The following ACVR1 variants were observed in gnomAD, a reference collection of about 807,000 sequenced individuals.
ACVR1 encodes the protein activin receptor type-1.
A neutral mutation model predicts 57.1 loss-of-function variants in ACVR1; 38 were observed. The ratio of observed to expected loss-of-function variants is 0.67; its 90% CI spans 0.51 to 0.87. ACVR1 has a LOEUF of 0.87. Ranked by LOEUF, ACVR1 falls within the 40% of genes least tolerant of loss-of-function variation. The pLI is 0.00. For synonymous variants in ACVR1, 212 were observed against 228.1 expected, an observed-to-expected ratio of 0.93 and a Z score of 0.63; for missense variants, 463 against 638.2, an observed-to-expected ratio of 0.73 and a Z score of 2.96.
chr2:157,814,553 A>C (rs1687864725), intron 2 of ACVR1, among the ~76,000 whole-genome samples: 1 of 152,238 alleles, frequency 6.6e-6, no homozygotes, highest in Non-Finnish European at 1.5e-5. Context: ...CAAGGTCTAT[A>C]AACAGAGCAA....
intron 1 of ACVR1, among the ~76,000 whole-genome samples, chr2:157,871,401 T>C (rs552370658): frequency 3.3e-5 from 5 of 152,328 alleles, no homozygotes; most frequent in South Asian, 2.1e-4. Context: ...TCAAGATGAA[T>C]GAGAACTGAC....
intron 9 of ACVR1, among the ~76,000 whole-genome samples, chr2:157,748,567 A>G (rs1685059566): frequency 6.6e-6 from 1 of 152,134 alleles, no homozygotes; most frequent in Non-Finnish European, 1.5e-5. Flanking sequence ...CAAGGGCAGA[A>G]ACTGCAAGGC....
intron 1 of ACVR1, among the ~76,000 whole-genome samples, chr2:157,836,867 T>C (rs924072983): frequency 6.6e-6 from 1 of 152,182 alleles, no homozygotes; most frequent in Non-Finnish European, 1.5e-5. Context: ...CTGAAGGGCC[T>C]AGATAAAGAA....
At chr2:157,749,726 C>T (rs532620352) in intron 9 of ACVR1, among the ~76,000 whole-genome samples, 5 of 152,354 alleles carry the variant, frequency 3.3e-5, no homozygotes, top group Admixed American at 2.6e-4. Flanking sequence ...GAAAACAGGC[C>T]TGCCCCACTC....
intron 1 of ACVR1, among the ~76,000 whole-genome samples, chr2:157,872,833 C>T (rs1176541590): frequency 1.3e-5 from 2 of 152,102 alleles, no homozygotes; most frequent in African/African-American, 2.4e-5. Context: ...AAAATCAGCA[C>T]CTATGAACCC....
intron 1 of ACVR1, among the ~76,000 whole-genome samples, chr2:157,863,336 C>CTCTTT (rs1689795689): frequency 1.4e-4 from 5 of 35,674 alleles, no homozygotes; most frequent in East Asian, 1.3e-3. Context: ...AATTGTTTCT[C>CTCTTT]TTTTTTTTTT....
intron 1 of ACVR1, among the ~76,000 whole-genome samples, chr2:157,846,035 A>C (rs1689117880): frequency 6.6e-6 from 1 of 152,268 alleles, no homozygotes; most frequent in African/African-American, 2.4e-5. Context: ...TGTGAATGTT[A>C]TCTTATGTGA....
intron 9 of ACVR1, among the ~76,000 whole-genome samples, chr2:157,757,006 G>GATATATATATATTTGATATATATATAT: frequency 7.7e-6 from 1 of 129,584 alleles, no homozygotes; most frequent in Non-Finnish European, 1.6e-5. Flanking sequence ...ATATATTTGA[G>GATATATATATATTTGATATATATATAT]ATATATATAT....
Position 157,780,485 on chromosome 2 carries a change from A to G in ACVR1, c.183T>C (p.Asp61=), listed in dbSNP as rs1468323848. 2 of 1,614,160 alleles carry G rather than the reference A, an allele frequency of 1.2e-6. No individual in the cohort carries two copies. The highest frequency in any genetic ancestry group is 3.3e-5 in the Admixed American group (2 of 60,028). The part of the protein sequence containing the change: ...QQCFSSLSIN[D]GFHVYQKGCF... ...AGCCTTTCTGGTAGACGTGGAAGCC[A>G]TCGTTGATGCTCAGTGAGGAAAAGC... Residue 61 remains aspartate, a synonymous_variant, in exon 4 of 11, where the codon GAT becomes GAC. Transcript: ENST00000434821.
At chr2:157,803,801 G>C (rs1278711167) in intron 2 of ACVR1, among the ~76,000 whole-genome samples, 1 of 152,034 alleles carries the variant, frequency 6.6e-6, no homozygotes, top group African/African-American at 2.4e-5. Context: ...AAATTACTGA[G>C]AAGCGTGTGT....
intron 3 of ACVR1, among the ~76,000 whole-genome samples, chr2:157,787,690 T>C (rs1019888295): frequency 3.3e-5 from 5 of 152,146 alleles, no homozygotes; most frequent in Non-Finnish European, 5.9e-5. Context: ...GAATCACTTT[T>C]CGTTGTTTCC....
At chr2:157,760,248 T>C (rs1335003677) in intron 9 of ACVR1, among the ~76,000 whole-genome samples, 1 of 152,138 alleles carries the variant, frequency 6.6e-6, no homozygotes, top group Non-Finnish European at 1.5e-5. Context: ...GTTGATCTCA[T>C]GGTGGTAGAG....
At chr2:157,753,384 T>C (rs113015660) in intron 9 of ACVR1, among the ~76,000 whole-genome samples, 2,617 of 152,004 alleles carry the variant, frequency 0.017, 70 homozygotes, top group African/African-American at 0.056. Flanking sequence ...AAAAATTAGC[T>C]GGGTGTGGTG....
intron 7 of ACVR1, 51 bp from the exon 8 acceptor site, chr2:157,766,247 C>T: frequency 6.3e-7 from 1 of 1,584,340 alleles, no homozygotes; most frequent in South Asian, 1.1e-5. Context: ...CACATTATAA[C>T]TTAAAGTATT....
At chr2:157,834,931 T>G (rs2105348552) in intron 1 of ACVR1, among the ~76,000 whole-genome samples, 1 of 152,272 alleles carries the variant, frequency 6.6e-6, no homozygotes, top group East Asian at 1.9e-4. Flanking sequence ...ATGCCAACTA[T>G]GACCTAAGAA....
At chr2:157,760,770 G>A (rs1040924309) in intron 9 of ACVR1, 110 bp downstream of exon 9, 38 of 1,104,182 alleles carry the variant, frequency 3.4e-5, no homozygotes, top group Middle Eastern at 2.2e-4. Context: ...AACTCGACAC[G>A]TACGATTCAA....
intron 8 of ACVR1, among the ~76,000 whole-genome samples, chr2:157,765,181 C>A (rs548536423): frequency 6.6e-6 from 1 of 152,220 alleles, no homozygotes; most frequent in South Asian, 2.1e-4. Flanking sequence ...ATTTATAATG[C>A]AACTAAAGCT....
At chr2:157,844,514 T>C (rs938945387) in intron 1 of ACVR1, among the ~76,000 whole-genome samples, 2 of 152,024 alleles carry the variant, frequency 1.3e-5, no homozygotes, top group South Asian at 2.1e-4. Context: ...CAAAAAAAAC[T>C]TGGGATGAGA....
Position 157,761,020 on chromosome 2 carries a change from C to T in ACVR1, c.1124G>A (p.Arg375His). 10 of 1,614,136 alleles carry T rather than the reference C, an allele frequency of 6.2e-6. No homozygotes were observed. The highest frequency in any genetic ancestry group is 8.5e-6 in the Non-Finnish European group (10 of 1,180,004). The part of the protein sequence containing the change: ...TNQLDVGNNP[R>H]VGTKRYMAPE... ...GGCCATGTAGCGCTTGGTGCCCACACGGGGATTGTTCCCCACATCAAGCTG... is the reference window on the plus strand; with the variant it reads ...GGCCATGTAGCGCTTGGTGCCCACATGGGGATTGTTCCCCACATCAAGCTG... The change falls in exon 9 of 11, where the codon CGT (arginine) becomes CAT (histidine). Residue 375 changes from arginine to histidine, a missense_variant. Physicochemically the swap from Arg to His is conservative, Grantham distance 29. Transcript: ENST00000434821.
Sources: allele counts gnomAD v4.1 joint callset (sites outside exome capture counted in the v4.1 genomes callset), GRCh38; gene constraint gnomAD v4.1.1; transcripts MANE v1.5; gene names NCBI Gene and HGNC (gene_info 2026-07-23, HGNC 2026-07-21).